The following SLC24A2 variants were observed in gnomAD, a reference collection of about 807,000 sequenced individuals.
SLC24A2 encodes sodium/potassium/calcium exchanger 2.
In SLC24A2, 36 loss-of-function variants were observed where a neutral mutation model predicts 62.0. The ratio of observed to expected loss-of-function variants is 0.58; its 90% CI spans 0.44 to 0.77. The LOEUF (loss-of-function observed/expected upper bound fraction) is 0.77, where lower values mean the gene tolerates loss of function less well. SLC24A2 is among the 30% of genes least tolerant of loss of function. The pLI is 0.00. For synonymous variants in SLC24A2, 358 were observed against 294.0 expected, an observed-to-expected ratio of 1.22 and a Z score of -2.23; for missense variants, 846 against 817.9, an observed-to-expected ratio of 1.03 and a Z score of -0.42.
the SLC24A2 span, among the ~76,000 whole-genome samples, chr9:20,078,577 C>G: frequency 6.6e-6 from 1 of 152,202 alleles, no homozygotes; most frequent in East Asian, 1.9e-4. Flanking sequence ...CCACAACAAT[C>G]CCACCCAGGC....
At chr9:19,917,808 C>T in the SLC24A2 span, among the ~76,000 whole-genome samples, 1 of 152,192 alleles carries the variant, frequency 6.6e-6, no homozygotes, top group African/African-American at 2.4e-5. Context: ...TACGTTGTCT[C>T]TTCATTTCCA....
chr9:20,017,712 G>T, the SLC24A2 span, among the ~76,000 whole-genome samples: 1 of 152,184 alleles, frequency 6.6e-6, no homozygotes, highest in Non-Finnish European at 1.5e-5. Flanking sequence ...ATGTCCAAGT[G>T]CTGATTGGAC....
In SLC24A2 at chr9:19,622,294, A is replaced by T; in HGVS notation, c.936T>A (p.Ser312=). The change falls in exon 3 of 11, where the codon TCT becomes TCA. Residue 312 remains serine (S), a synonymous_variant. Transcript: ENST00000341998. ...VTAPEAQAKP[S]AARDKDEPTL... The stretch of plus-strand genomic sequence containing the variant: ...TTGGTTCATCCTTGTCCCTGGCTGC[A>T]GATGGCTGCATAAGAGAAAAAGGCA... 6.2e-7 allele frequency: 1 copy of T among 1,613,108 alleles called. No homozygotes were observed. The highest frequency in any genetic ancestry group is 2.2e-5 in the East Asian group (1 of 44,854).
At chr9:19,984,761 T>C in the SLC24A2 span, among the ~76,000 whole-genome samples, 2 of 152,090 alleles carry the variant, frequency 1.3e-5, no homozygotes, top group African/African-American at 4.8e-5. Context: ...TTGTTAAGGG[T>C]GCCAACATCG....
the SLC24A2 span, among the ~76,000 whole-genome samples, chr9:19,909,384 T>C: frequency 6.6e-6 from 1 of 151,930 alleles, no homozygotes; most frequent in Non-Finnish European, 1.5e-5. Flanking sequence ...CTAATGTAAA[T>C]GACGAGTTAA....
the SLC24A2 span, among the ~76,000 whole-genome samples, chr9:19,850,629 T>G: frequency 6.6e-6 from 1 of 152,140 alleles, no homozygotes; most frequent in South Asian, 2.1e-4. Context: ...TTCCCTCCCA[T>G]CCCAGCCTTA....
chr9:19,788,627 C>A, intron 1 of SLC24A2: 1 of 985,440 alleles, frequency 1.0e-6, no homozygotes, highest in South Asian at 4.7e-5. Context: ...CGCCCCTCTG[C>A]GCGTCTCCCC....
the SLC24A2 span, among the ~76,000 whole-genome samples, chr9:19,805,548 A>T: frequency 6.6e-6 from 1 of 152,182 alleles, no homozygotes; most frequent in African/African-American, 2.4e-5. Flanking sequence ...TACGTTGTCA[A>T]TGTGATGGCC....
chr9:20,009,370 C>G, the SLC24A2 span, among the ~76,000 whole-genome samples: 64,651 of 142,548 alleles, frequency 0.45, 14,757 homozygotes, highest in African/African-American at 0.51. Flanking sequence ...GGGTGACAGA[C>G]TGAACTCTGT....
the SLC24A2 span, among the ~76,000 whole-genome samples, chr9:20,235,383 ACTTCCCGCCG>A: frequency 6.6e-6 from 1 of 152,072 alleles, no homozygotes; most frequent in Non-Finnish European, 1.5e-5. Flanking sequence ...CCCAGTTCGA[ACTTCCCGCCG>A]CTTTGTTTCC....
rs1832859074 is a variant in SLC24A2 at position 19,514,735 on chromosome 9, T to C, written c.*1418A>G. 6.6e-6 allele frequency: 1 copy of C among 152,306 alleles called. No individual in the cohort carries two copies. 9.4% of individuals were successfully genotyped at this position (152,306 alleles called of 1,614,324 possible). ...CTTAGACAGAATCCCAGATAAGGTC[T>C]TGATGGAAGAAGAGACATAGATGTT... is the stretch of plus-strand genomic sequence containing the variant. On this transcript the variant is annotated 3_prime_UTR_variant, in exon 11 of 11. Transcript: ENST00000341998.
chr9:19,904,003 G>A, the SLC24A2 span, among the ~76,000 whole-genome samples: 3 of 152,198 alleles, frequency 2.0e-5, no homozygotes, highest in Non-Finnish European at 4.4e-5. Flanking sequence ...GTAAGGGCCA[G>A]TACATCACCT....
the SLC24A2 span, among the ~76,000 whole-genome samples, chr9:19,960,966 C>A: frequency 6.6e-6 from 1 of 151,400 alleles, no homozygotes; most frequent in South Asian, 2.1e-4. Flanking sequence ...CTCTGGAATG[C>A]CCTAGACTAG....
At chr9:20,071,649 T>A in the SLC24A2 span, among the ~76,000 whole-genome samples, 1 of 152,112 alleles carries the variant, frequency 6.6e-6, no homozygotes, top group East Asian at 1.9e-4. Flanking sequence ...ACCAGAACAA[T>A]TATCAACACA....
At chr9:19,594,189 C>A (rs1056943424) in intron 5 of SLC24A2, among the ~76,000 whole-genome samples, 5 of 152,044 alleles carry the variant, frequency 3.3e-5, no homozygotes, top group African/African-American at 1.2e-4. Flanking sequence ...ATCTTCTGAA[C>A]ACCTGTGGTA....
the SLC24A2 span, among the ~76,000 whole-genome samples, chr9:19,962,489 C>T: frequency 2.6e-5 from 4 of 152,250 alleles, no homozygotes; most frequent in East Asian, 7.7e-4. Context: ...TTCTTCCTAC[C>T]CATGAGCATG....
At chr9:19,932,451 T>A in the SLC24A2 span, among the ~76,000 whole-genome samples, 4 of 152,234 alleles carry the variant, frequency 2.6e-5, no homozygotes, top group South Asian at 8.3e-4. Flanking sequence ...GGCCTGCTAA[T>A]GAAGCAGCTG....
the SLC24A2 span, among the ~76,000 whole-genome samples, chr9:19,915,707 A>G: frequency 1.3e-5 from 2 of 152,072 alleles, no homozygotes; most frequent in East Asian, 1.9e-4. Flanking sequence ...ATCTGTTCAC[A>G]TACTTATCAG....
intron 2 of SLC24A2, among the ~76,000 whole-genome samples, chr9:19,698,315 G>T (rs900734252): frequency 5.3e-5 from 8 of 152,104 alleles, no homozygotes; most frequent in Admixed American, 3.9e-4. Context: ...TTCAGACTAT[G>T]TGTATATGAA....
Sources: gnomAD v4.1 joint callset for allele counts (sites outside exome capture counted in the v4.1 genomes callset) on GRCh38, gnomAD v4.1.1 for gene constraint, MANE v1.5 for transcripts, NCBI Gene and HGNC (gene_info 2026-07-23, HGNC 2026-07-21) for gene names.